The following PRAM1 variants were observed in gnomAD, a reference collection of about 807,000 sequenced individuals.
PRAM1 encodes PML-RARA regulated adaptor molecule 1.
In PRAM1, 41 loss-of-function variants were observed where a neutral mutation model predicts 55.3. The ratio of observed to expected loss-of-function variants is 0.74; its 90% confidence interval spans 0.58 to 0.96. The LOEUF (loss-of-function observed/expected upper bound fraction) is 0.96, where lower values mean the gene tolerates loss of function less well. Ranked by LOEUF, PRAM1 falls within the 40% of genes least tolerant of loss-of-function variation. The pLI is 0.00. For missense variants in PRAM1, 898 were observed against 892.7 expected (o/e 1.01, Z -0.08); for synonymous variants, 401 against 387.1 (o/e 1.04, Z -0.42).
rs1971733566 is a variant in PRAM1, at chr19:8,498,431, C to T, written c.1377G>A (p.Leu459=). Residue 459 remains leucine (L), a synonymous_variant, in exon 2 of 10, where the codon CTG becomes CTA. Transcript: ENST00000423345. ...SLGHPPAKPP[L]PPGPVDMQSF... Reference sequence around the variant, plus strand: ...TCTGCATATCCACGGGCCCCGGGGGCAGCGGGGGCTTGGCTGGAGGGTGTC... The same window carrying T: ...TCTGCATATCCACGGGCCCCGGGGGTAGCGGGGGCTTGGCTGGAGGGTGTC... The T allele has an allele frequency of 8.2e-6, 13 of 1,579,184 alleles. No individual in the cohort carries two copies. The highest frequency in any genetic ancestry group is 1.1e-5 in the Non-Finnish European group (13 of 1,161,870).
Position 8,490,174 on chromosome 19 carries a change from C to T in PRAM1, c.*15G>A. On this transcript the variant is annotated 3_prime_UTR_variant, in exon 10 of 10. Coordinates refer to ENST00000423345, the MANE Select transcript of PRAM1 (RefSeq NM_032152.5). This position sits in a 1 kb window ranked among gnomAD's most constrained non-coding sequence, Gnocchi z 7.3. ...GCTGGGCTGGCTGGCTGTCCTGGCCCCACGCCTACCGGTCTTACCGTCCCA... is the reference window on the plus strand; with the variant it reads ...GCTGGGCTGGCTGGCTGTCCTGGCCTCACGCCTACCGGTCTTACCGTCCCA... 1 of 1,556,390 alleles carries T rather than the reference C, an allele frequency of 6.4e-7. No homozygotes were observed. The highest frequency in any genetic ancestry group is 8.7e-7 in the Non-Finnish European group (1 of 1,149,282).
chr19:8,500,262 C>T (rs1015591884), intron 1 of PRAM1, among the ~76,000 whole-genome samples: 1 of 146,148 alleles, frequency 6.8e-6, no homozygotes, highest in African/African-American at 2.5e-5. Flanking sequence ...CTTGAGCCGC[C>T]GCGCCCAGGC....
chr19:8,497,934 G>T, intron 3 of PRAM1, 94 bp from the exon 4 acceptor site: 2 of 918,220 alleles, frequency 2.2e-6, no homozygotes, highest in Non-Finnish European at 3.1e-6. Flanking sequence ...CTGGAGTGGT[G>T]CAGGGGCATG....
intron 4 of PRAM1, chr19:8,496,142 G>A (rs747412616): frequency 4.2e-5 from 19 of 455,404 alleles, no homozygotes; most frequent in Admixed American, 7.1e-5. Context: ...CAGGCTGGGC[G>A]TGGTGGCTCA....
At chr19:8,495,704 C>T (rs953977320) in intron 4 of PRAM1, among the ~76,000 whole-genome samples, 11 of 144,878 alleles carry the variant, frequency 7.6e-5, no homozygotes, top group Non-Finnish European at 1.3e-4. Context: ...GATTTAAGGA[C>T]GGATTTAAGG....
rs1343803398 is a variant in PRAM1, at chr19:8,498,915, G to A, written c.893C>T (p.Ser298Leu). ...GGGAAGCACGCTGACTTCGGGCTCT[G>A]AGGAGGTCCTGGTGAGGTCCCCAAG... Reference protein sequence around the residue: ...PELGDLTRTSSEPEVSVLPKR... With the variant: ...PELGDLTRTSLEPEVSVLPKR... The change falls in exon 2 of 10, where the codon TCA (serine) becomes TTA (leucine). Residue 298 changes from serine to leucine, a missense_variant. By Grantham distance (145) the Ser-to-Leu change is moderately radical. This residue lies in a region of PRAM1 where 787 missense variants were observed against 735.4 expected (regional missense o/e 1.07). Coordinates refer to ENST00000423345, the MANE Select transcript of PRAM1 (RefSeq NM_032152.5). 1 of 1,613,658 alleles carries A rather than the reference G, an allele frequency of 6.2e-7. No homozygotes were observed. The highest frequency in any genetic ancestry group is 2.2e-5 in the East Asian group (1 of 44,856).
At position 8,490,441 on chromosome 19, in the gene PRAM1, C is replaced by G. The variant is rs771160804; in HGVS notation, c.1940+35G>C. On this transcript the variant is annotated intron_variant, in intron 8 of 9. Coordinates refer to ENST00000423345, the MANE Select transcript of PRAM1 (RefSeq NM_032152.5). The surrounding 1 kb of genome is among the most constrained non-coding windows in gnomAD (Gnocchi z 7.3). ...TCCCCCCACCCTGCACCACACACCC[C>G]GCACTCCCCCACCACGGTCAGGGCT... 4.3e-6 allele frequency: 7 copies of G among 1,613,210 alleles called. No individual in the cohort carries two copies. The South Asian group carries it at 7.7e-5, about 18-fold the overall frequency.
intron 4 of PRAM1, 150 bp downstream of exon 4, chr19:8,497,614 T>G: frequency 1.7e-6 from 1 of 594,812 alleles, no homozygotes; most frequent in South Asian, 2.4e-5. Context: ...GCCTTCTCAC[T>G]GGTCCTTCGC....
chr19:8,490,217 T>A lies in PRAM1; in HGVS notation c.1985A>T (p.Glu662Val). 6.2e-7 allele frequency: 1 copy of A among 1,600,494 alleles called. No homozygotes were observed. The highest frequency in any genetic ancestry group is 8.5e-7 in the Non-Finnish European group (1 of 1,172,642). The change falls in exon 10 of 10, where the codon GAA (glutamate) becomes GTA (valine). Residue 662 changes from glutamate to valine, a missense_variant. Glu to Val is a moderately radical substitution (Grantham distance 121). This residue lies in a region of PRAM1 where 787 missense variants were observed against 735.4 expected (regional missense o/e 1.07). Coordinates refer to ENST00000423345, the MANE Select transcript of PRAM1 (RefSeq NM_032152.5). The surrounding 1 kb of genome is among the most constrained non-coding windows in gnomAD (Gnocchi z 7.3). ...YDDVDFCDPL[E>V]NQPLPLGR ...CCGTCCCAGGGGGAGTGGTTGGTTT[T>A]CCAGGGGATCTGCCGAGGAAGCGTG...
intron 4 of PRAM1, chr19:8,491,555 C>A: frequency 6.5e-6 from 2 of 309,546 alleles, no homozygotes; most frequent in South Asian, 3.0e-5. Context: ...TTGAGTAAGG[C>A]CTCCCTGTGT....
At chr19:8,492,431 A>AT (rs1215404618) in intron 4 of PRAM1, among the ~76,000 whole-genome samples, 1 of 138,998 alleles carries the variant, frequency 7.2e-6, no homozygotes, top group African/African-American at 2.7e-5. Context: ...TGATTTTTGT[A>AT]TTTTTAGTAC....
In PRAM1 at chr19:8,497,780, G is replaced by A; in HGVS notation, c.1560C>T (p.Pro520=). 6.2e-7 allele frequency: 1 copy of A among 1,611,708 alleles called. No individual in the cohort carries two copies. Among genetic ancestry groups the A allele is most frequent in the Non-Finnish European group, 8.5e-7 (1 of 1,179,224 alleles). ...DDVEPRDDSS[P]SPKGRDEAPS... ...CCAACAAACCTCTGCCCTTGGGGCT[G>A]GGGCTGGAGTCATCTCTGGGTTCCA... Residue 520 remains proline (P), a synonymous_variant, in exon 4 of 10, where the codon CCC becomes CCT. Transcript: ENST00000423345.
intron 3 of PRAM1, among the ~76,000 whole-genome samples, 182 bp downstream of exon 3, chr19:8,498,041 C>T (rs866738926): frequency 3.3e-5 from 5 of 151,900 alleles, no homozygotes; most frequent in Admixed American, 6.6e-5. Flanking sequence ...CCCACCACAC[C>T]GGGCTAATTT....
In PRAM1 at chr19:8,497,173, CTT is replaced by C. The variant is rs34873845; in HGVS notation, c.1576+589_1576+590del. On this transcript the variant is annotated intron_variant, in intron 4 of 9. Coordinates refer to ENST00000423345, the MANE Select transcript of PRAM1 (RefSeq NM_032152.5). ...CTGCTTTATATACCACCAAATCCTG[CTT>C]TTTTTTTTTTTTTTTTTGAGACAGG... is the stretch of plus-strand genomic sequence containing the variant. 3.8e-3 allele frequency among the ~76,000 whole-genome samples: 453 copies of C among 118,818 alleles called. 1 individual carries two copies. The highest frequency in any genetic ancestry group is 0.017 in the Middle Eastern group (4 of 234). The allele number at this position is 118,818 out of a possible 152,430, so 77.9% of individuals were successfully genotyped here.
chr19:8,500,708 C>T (rs1599884642), intron 1 of PRAM1, among the ~76,000 whole-genome samples: 1 of 152,314 alleles, frequency 6.6e-6, no homozygotes, highest in East Asian at 1.9e-4. Context: ...CCTTTTCCTC[C>T]TCCCAGCCTC....
In PRAM1 at chr19:8,498,569, A is replaced by G; in HGVS notation, c.1239T>C (p.Ala413=). 1 of 1,612,218 alleles carries G rather than the reference A, an allele frequency of 6.2e-7. No individual in the cohort carries two copies. The highest frequency in any genetic ancestry group is 8.5e-7 in the Non-Finnish European group (1 of 1,179,522). The change falls in exon 2 of 10, where the codon GCT becomes GCC. Residue 413 remains alanine (A), a synonymous_variant. Transcript: ENST00000423345. ...RHPLSPGFGA[A]GTPRWRSGGL... The stretch of plus-strand genomic sequence containing the variant: ...CTCCTGACCTCCAGCGGGGTGTCCC[A>G]GCCGCTCCAAACCCAGGGCTGAGCG...
chr19:8,499,139 C>G lies in PRAM1; in HGVS notation c.669G>C (p.Val223=). ...GAGGCTGCGGAGGCTTTTTGGGGTACACGTTGAACTCAGGCTGCGCAGGCT... is the reference window on the plus strand; with the variant it reads ...GAGGCTGCGGAGGCTTTTTGGGGTAGACGTTGAACTCAGGCTGCGCAGGCT... The part of the protein sequence containing the change: ...PKKPAQPEFN[V]YPKKPPQPQV... The change falls in exon 2 of 10, where the codon GTG becomes GTC. Residue 223 remains valine (V), a synonymous_variant. Coordinates refer to ENST00000423345, the MANE Select transcript of PRAM1 (RefSeq NM_032152.5). 8 of 1,612,834 alleles carry G rather than the reference C, an allele frequency of 5.0e-6. No individual in the cohort carries two copies. Among genetic ancestry groups the G allele is most frequent in the Non-Finnish European group, 6.8e-6 (8 of 1,179,532 alleles).
Position 8,498,404 on chromosome 19 carries a change from G to T in PRAM1, c.1404C>A (p.Ser468Arg). Residue 468 changes from serine (S) to arginine (R), a missense_variant, in exon 2 of 10, where the codon AGC becomes AGA. Physicochemically the swap from Ser to Arg is moderately radical, Grantham distance 110 (BLOSUM62 -1). Around this residue, in one of 4 missense-constraint regions of PRAM1, gnomAD observed 787 missense variants for 735.4 expected, o/e 1.07. Coordinates refer to ENST00000423345, the MANE Select transcript of PRAM1 (RefSeq NM_032152.5). ...PLPPGPVDMQ[S>R]FRRPSAASID... Reference sequence around the variant, plus strand: ...TGGATGCTGCAGAGGGTCTCCGAAAGCTCTGCATATCCACGGGCCCCGGGG... The same window carrying T: ...TGGATGCTGCAGAGGGTCTCCGAAATCTCTGCATATCCACGGGCCCCGGGG... 1 of 1,578,918 alleles carries T rather than the reference G, an allele frequency of 6.3e-7. No homozygotes were observed. Among genetic ancestry groups the T allele is most frequent in the East Asian group, 2.3e-5 (1 of 43,646 alleles).
intron 1 of PRAM1, 77 bp from the exon 2 acceptor site, chr19:8,499,857 A>T: frequency 7.7e-7 from 1 of 1,292,162 alleles, no homozygotes; most frequent in Non-Finnish European, 1.1e-6. Context: ...GGGGACCCTC[A>T]GGCACAGCCC....
Sources: gnomAD v4.1 joint callset for allele counts (sites outside exome capture counted in the v4.1 genomes callset) on GRCh38, gnomAD v4.1.1 for gene constraint, gnomAD v4.1.1 regional missense constraint, Gnocchi (gnomAD v3.1) non-coding constraint, MANE v1.5 for transcripts, NCBI Gene and HGNC (gene_info 2026-07-23, HGNC 2026-07-21) for gene names.